The following LMBRD1 variants were observed in gnomAD, a reference collection of about 807,000 sequenced individuals.
LMBRD1 encodes LMBR1 domain containing 1, also known as lysosomal cobalamin transport escort protein LMBD1.
In LMBRD1, 64 loss-of-function variants were observed where a neutral mutation model predicts 74.8. That is an observed-to-expected ratio of 0.86 (90% CI 0.70 to 1.05). LMBRD1 has a LOEUF of 1.05. Ranked by LOEUF, LMBRD1 falls within the 50% of genes least tolerant of loss-of-function variation. The probability of loss-of-function intolerance (pLI) is 0.00; values close to 1 mark genes in which losing one functional copy is unlikely to be tolerated. For missense variants in LMBRD1, 652 were observed against 645.9 expected (o/e 1.01, Z -0.10); for synonymous variants, 204 against 216.3 (o/e 0.94, Z 0.50).
At chr6:69,738,217 C>A (rs1767017531) in intron 6 of LMBRD1, among the ~76,000 whole-genome samples, 1 of 152,098 alleles carries the variant, frequency 6.6e-6, no homozygotes. Flanking sequence ...TGTAAAAAAT[C>A]TTTCTGACTA....
rs1440982681 is a variant in LMBRD1 at position 69,705,701 on chromosome 6, T to A, written c.916-3748A>T. On this transcript the variant is annotated intron_variant, in intron 9 of 15. Coordinates refer to ENST00000649934, the MANE Select transcript of LMBRD1 (RefSeq NM_018368.4). ...CTTCATCAGTAGCAAGTTTTACTTT[T>A]TTCTGTGGAACCTTGCTACCACCTC... The A allele has an allele frequency of 6.7e-6, 7 of 1,052,322 alleles. No homozygotes were observed. In the East Asian group the frequency reaches 1.7e-4, roughly 25 times the overall value. The allele number at this position is 1,052,322 out of a possible 1,614,324, so 65.2% of individuals were successfully genotyped here. A position where few individuals can be genotyped will look rare whatever the true frequency, so the allele number is the denominator to read the frequency against.
At chr6:69,739,469 T>C (rs1413519764) in intron 6 of LMBRD1, among the ~76,000 whole-genome samples, 1 of 149,780 alleles carries the variant, frequency 6.7e-6, no homozygotes, top group Non-Finnish European at 1.5e-5. Context: ...AGTCATAAAA[T>C]GCATTACTCT....
chr6:69,703,767 T>C (rs1766187222), intron 9 of LMBRD1, among the ~76,000 whole-genome samples: 1 of 152,032 alleles, frequency 6.6e-6, no homozygotes. Context: ...TCAATAAAAA[T>C]GGAATAAGAC....
chr6:69,702,655 T>C (rs1766160154), intron 9 of LMBRD1, among the ~76,000 whole-genome samples: 1 of 151,972 alleles, frequency 6.6e-6, no homozygotes, highest in Non-Finnish European at 1.5e-5. Flanking sequence ...ATAAAAGAGT[T>C]GAAATCTATG....
chr6:69,796,621 G>C (rs1415265143), intron 1 of LMBRD1, among the ~76,000 whole-genome samples, 192 bp downstream of exon 1: 3 of 152,062 alleles, frequency 2.0e-5, no homozygotes, highest in African/African-American at 7.2e-5. Flanking sequence ...CAGCAAAAGA[G>C]ACCGGAAATC....
intron 7 of LMBRD1, among the ~76,000 whole-genome samples, chr6:69,728,151 T>G (rs1357403130): frequency 6.6e-6 from 1 of 152,108 alleles, no homozygotes; most frequent in Non-Finnish European, 1.5e-5. Context: ...CAGCACGTTA[T>G]ATGTTGCTGG....
chr6:69,771,814 A>G (rs1765583070), intron 3 of LMBRD1, among the ~76,000 whole-genome samples: 1 of 152,182 alleles, frequency 6.6e-6, no homozygotes, highest in Non-Finnish European at 1.5e-5. Flanking sequence ...AAGGGTGGAA[A>G]AGACAGACTT....
chr6:69,781,147 A>T (rs951347726), intron 2 of LMBRD1, among the ~76,000 whole-genome samples: 2 of 152,134 alleles, frequency 1.3e-5, no homozygotes, highest in Non-Finnish European at 2.9e-5. Flanking sequence ...TTTTTTAAAA[A>T]CCTACAGGAA....
chr6:69,784,640 G>T (rs1028774832), intron 2 of LMBRD1, among the ~76,000 whole-genome samples: 1 of 152,110 alleles, frequency 6.6e-6, no homozygotes, highest in African/African-American at 2.4e-5. Context: ...CTGACTTAGA[G>T]GTCTCTAAAA....
At chr6:69,771,617 G>A (rs1434642858) in intron 3 of LMBRD1, among the ~76,000 whole-genome samples, 1 of 152,120 alleles carries the variant, frequency 6.6e-6, no homozygotes, top group African/African-American at 2.4e-5. Context: ...CAAAATAGTA[G>A]ATGAGAACAA....
rs571886473 is a variant in LMBRD1, at chr6:69,713,366, T to C, written c.915+279A>G. Among the ~76,000 whole-genome samples, 54 of 152,302 alleles carry C rather than the reference T, an allele frequency of 3.5e-4. 1 individual carries two copies. Among genetic ancestry groups the C allele is most frequent in the Admixed American group, 2.8e-3 (43 of 15,278 alleles). ...AAGCTCTAAGTCCCAGATCAATTTA[T>C]AGGAAAGTATAAACTTGAAGAATAT... On this transcript the variant is annotated intron_variant, in intron 9 of 15. Coordinates refer to ENST00000649934, the MANE Select transcript of LMBRD1 (RefSeq NM_018368.4).
chr6:69,705,552 G>A (rs762736271), intron 9 of LMBRD1: 129 of 1,274,940 alleles, frequency 1.0e-4, no homozygotes, highest in Middle Eastern at 2.7e-4. Context: ...ATTCTGATTT[G>A]GCTTTTGTGC....
At chr6:69,783,734 C>CT (rs570931774) in intron 2 of LMBRD1, among the ~76,000 whole-genome samples, 2 of 151,926 alleles carry the variant, frequency 1.3e-5, no homozygotes, top group Non-Finnish European at 1.5e-5. Flanking sequence ...TAACAACTAT[C>CT]TTTTTTTTAC....
At chr6:69,735,445 A>ATT (rs1562104727) in intron 7 of LMBRD1, among the ~76,000 whole-genome samples, 3 of 107,978 alleles carry the variant, frequency 2.8e-5, no homozygotes, top group African/African-American at 5.0e-5. Flanking sequence ...AAACAACATA[A>ATT]AAAAAAAAAA....
chr6:69,699,362 C>T (rs1766077924), intron 12 of LMBRD1, among the ~76,000 whole-genome samples, 170 bp from the exon 13 acceptor site: 1 of 151,816 alleles, frequency 6.6e-6, no homozygotes, highest in Non-Finnish European at 1.5e-5. Flanking sequence ...AGATTATTCA[C>T]ATGGTCTATT....
At chr6:69,699,846 T>C (rs1314028108) in intron 12 of LMBRD1, among the ~76,000 whole-genome samples, 1 of 151,986 alleles carries the variant, frequency 6.6e-6, no homozygotes, top group African/African-American at 2.4e-5. Context: ...CAGTTCTAGA[T>C]GGGATGACAA....
chr6:69,708,565 C>T (rs1212565892), intron 9 of LMBRD1, among the ~76,000 whole-genome samples: 2 of 151,834 alleles, frequency 1.3e-5, no homozygotes, highest in Non-Finnish European at 2.9e-5. Context: ...GATTAGGTGA[C>T]CACAAAGCCT....
intron 3 of LMBRD1, among the ~76,000 whole-genome samples, chr6:69,755,551 A>C (rs1318796473): frequency 6.6e-6 from 1 of 151,640 alleles, no homozygotes; most frequent in South Asian, 2.1e-4. Context: ...ATACCTATGT[A>C]ACAAACCTGT....
intron 7 of LMBRD1, among the ~76,000 whole-genome samples, chr6:69,733,433 T>C (rs1280164300): frequency 6.6e-6 from 1 of 152,190 alleles, no homozygotes; most frequent in Non-Finnish European, 1.5e-5. Context: ...TAAAACCACA[T>C]ATCTATAAAT....
Sources: gnomAD v4.1 joint callset for allele counts (sites outside exome capture counted in the v4.1 genomes callset) on GRCh38, gnomAD v4.1.1 for gene constraint, MANE v1.5 for transcripts, NCBI Gene and HGNC (gene_info 2026-07-23, HGNC 2026-07-21) for gene names.